The following NEGR1 variants were observed in gnomAD, a reference collection of about 807,000 sequenced individuals.
The protein encoded by NEGR1 is IgLON family member 4.
Under a neutral mutation model 40.9 loss-of-function variants are expected in NEGR1, and 10 were observed. The observed-to-expected ratio is 0.24, with a 90% CI of 0.15 to 0.42. NEGR1 has a LOEUF of 0.42. Ranked by LOEUF, NEGR1 falls within the 10% of genes least tolerant of loss-of-function variation. The probability of loss-of-function intolerance (pLI) is 1.00; values close to 1 mark genes in which losing one functional copy is unlikely to be tolerated. For missense variants in NEGR1, 352 were observed against 438.9 expected (o/e 0.80, Z 1.77); for synonymous variants, 185 against 166.8 (o/e 1.11, Z -0.84).
intron 6 of NEGR1, among the ~76,000 whole-genome samples, chr1:71,442,226 C>CTTTTTTTT (rs35594326): frequency 8.2e-5 from 7 of 84,946 alleles, no homozygotes; most frequent in Admixed American, 1.4e-4. Context: ...GGTAGCATTC[C>CTTTTTTTT]TTTTTTTTTT....
At chr1:71,862,728 C>T (rs1659987056) in intron 2 of NEGR1, among the ~76,000 whole-genome samples, 2 of 151,924 alleles carry the variant, frequency 1.3e-5, no homozygotes, top group African/African-American at 4.8e-5. Context: ...CCAGAGTTTA[C>T]AAGGGACTTA....
chr1:72,076,310 G>T (rs748299544), intron 1 of NEGR1, among the ~76,000 whole-genome samples: 4 of 152,146 alleles, frequency 2.6e-5, no homozygotes, highest in Admixed American at 6.6e-5. Context: ...ACGATGTGAA[G>T]ATAATAGTGC....
At chr1:72,204,386 A>G (rs1273400163) in intron 1 of NEGR1, among the ~76,000 whole-genome samples, 1 of 152,088 alleles carries the variant, frequency 6.6e-6, no homozygotes, top group Non-Finnish European at 1.5e-5. Context: ...TTAGGAGTAA[A>G]AGAATTTTTA....
chr1:71,637,857 C>T (rs1018721917), intron 4 of NEGR1, among the ~76,000 whole-genome samples: 5 of 151,982 alleles, frequency 3.3e-5, no homozygotes, highest in Non-Finnish European at 5.9e-5. Flanking sequence ...AATCTCTCCT[C>T]ACTCATAGAG....
At chr1:71,932,352 C>T (rs1645863805) in intron 2 of NEGR1, among the ~76,000 whole-genome samples, 1 of 151,364 alleles carries the variant, frequency 6.6e-6, no homozygotes, top group African/African-American at 2.4e-5. Flanking sequence ...ACCTTAAAGA[C>T]CTTCTTGTCT....
chr1:72,193,806 GGT>G (rs1200510750), intron 1 of NEGR1, among the ~76,000 whole-genome samples: 1 of 151,230 alleles, frequency 6.6e-6, no homozygotes, highest in Admixed American at 6.6e-5. Flanking sequence ...ATCATATTAA[GGT>G]GTATCCCAGA....
At chr1:72,078,137 C>T (rs2100522461) in intron 1 of NEGR1, among the ~76,000 whole-genome samples, 1 of 152,174 alleles carries the variant, frequency 6.6e-6, no homozygotes, top group Middle Eastern at 3.4e-3. Flanking sequence ...CCATAATCAA[C>T]TAGTAGTACT....
At chr1:71,894,918 C>T (rs1039364041) in intron 2 of NEGR1, among the ~76,000 whole-genome samples, 1 of 151,504 alleles carries the variant, frequency 6.6e-6, no homozygotes, top group African/African-American at 2.4e-5. Context: ...GACTCCATCT[C>T]CAAATTTTTT....
intron 6 of NEGR1, among the ~76,000 whole-genome samples, chr1:71,432,101 T>C (rs1297032873): frequency 6.6e-6 from 1 of 152,098 alleles, no homozygotes; most frequent in Non-Finnish European, 1.5e-5. Context: ...GAGGGAACTT[T>C]GGATTTTATT....
At chr1:72,142,003 T>C (rs1650696082) in intron 1 of NEGR1, among the ~76,000 whole-genome samples, 1 of 151,910 alleles carries the variant, frequency 6.6e-6, no homozygotes. Context: ...AAGAATGAAG[T>C]AGCTGCATGA....
At chr1:71,581,082 C>T (rs1043493075) in intron 6 of NEGR1, among the ~76,000 whole-genome samples, 3 of 152,180 alleles carry the variant, frequency 2.0e-5, no homozygotes. Flanking sequence ...CTACAGTTTA[C>T]TATTATTTAT....
At chr1:71,479,758 G>GA (rs564867875) in intron 6 of NEGR1, among the ~76,000 whole-genome samples, 4 of 151,932 alleles carry the variant, frequency 2.6e-5, no homozygotes, top group Non-Finnish European at 5.9e-5. Context: ...TCATTCATGA[G>GA]AAAATCAGAG....
intron 6 of NEGR1, among the ~76,000 whole-genome samples, chr1:71,467,773 A>G (rs1450789378): frequency 6.6e-6 from 1 of 152,076 alleles, no homozygotes; most frequent in East Asian, 1.9e-4. Flanking sequence ...TGGCATCGCA[A>G]ATGAGCTCTT....
intron 6 of NEGR1, among the ~76,000 whole-genome samples, chr1:71,418,621 C>G (rs543314449): frequency 6.6e-6 from 1 of 152,252 alleles, no homozygotes; most frequent in African/African-American, 2.4e-5. Context: ...TCTCCCTCCT[C>G]TATCTGACAT....
intron 2 of NEGR1, among the ~76,000 whole-genome samples, chr1:71,916,734 C>G (rs1039668934): frequency 6.6e-6 from 1 of 152,140 alleles, no homozygotes; most frequent in African/African-American, 2.4e-5. Context: ...CCAGCCTGGA[C>G]AGCAAGAGTG....
At chr1:71,593,042 T>G in intron 5 of NEGR1, 74 bp from the exon 6 acceptor site, 1 of 1,053,064 alleles carries the variant, frequency 9.5e-7, no homozygotes, top group Non-Finnish European at 1.4e-6. Flanking sequence ...TAGCTGGGGT[T>G]GTCATGGCAA....
intron 6 of NEGR1, among the ~76,000 whole-genome samples, chr1:71,431,891 G>A (rs944272513): frequency 3.3e-5 from 5 of 152,148 alleles, no homozygotes; most frequent in African/African-American, 1.2e-4. Flanking sequence ...AATGAGATGA[G>A]CTATGAAAAT....
chr1:72,125,682 A>G (rs1014468156), intron 1 of NEGR1, among the ~76,000 whole-genome samples: 1 of 152,186 alleles, frequency 6.6e-6, no homozygotes, highest in Non-Finnish European at 1.5e-5. Context: ...TTGTATTCAA[A>G]GTATGAAGTA....
rs1653546896 is a variant in NEGR1, at chr1:71,698,095, T to C, written c.580A>G (p.Thr194Ala). ...TCATATTCCCCAGCCTGGTCCCTTG[T>C]AATTCCATAAATGTCCAAATATTGT... is the stretch of plus-strand genomic sequence containing the variant. ...NGQYLDIYGI[T>A]RDQAGEYECS... Residue 194 changes from threonine (T) to alanine (A), a missense_variant, in exon 4 of 7, where the codon ACA (threonine) becomes GCA (alanine). By Grantham distance (58) the Thr-to-Ala change is moderately conservative. Around this residue, in one of 5 missense-constraint regions of NEGR1, gnomAD observed 184 missense variants for 208.7 expected, o/e 0.88. Coordinates refer to ENST00000357731, the MANE Select transcript of NEGR1 (RefSeq NM_173808.3). 1 of 1,611,080 alleles carries C rather than the reference T, an allele frequency of 6.2e-7. No individual in the cohort carries two copies.
Sources: gnomAD v4.1 joint callset for allele counts (sites outside exome capture counted in the v4.1 genomes callset) on GRCh38, gnomAD v4.1.1 for gene constraint, gnomAD v4.1.1 regional missense constraint, MANE v1.5 for transcripts, NCBI Gene and HGNC (gene_info 2026-07-23, HGNC 2026-07-21) for gene names.